SYNE1: variants seen among roughly 807,000 people sequenced by gnomAD.
SYNE1 encodes the protein spectrin repeat containing nuclear envelope protein 1, also known as nesprin-1.
In SYNE1, 616 loss-of-function variants were observed where a neutral mutation model predicts 1,111.0. That is an observed-to-expected ratio of 0.55 (90% CI 0.52 to 0.59). The LOEUF is 0.59. SYNE1 is among the 20% of genes least tolerant of loss of function. SYNE1 has a pLI of 0.00. For synonymous variants in SYNE1, 3,855 were observed against 3,825.8 expected (o/e 1.01, Z -0.28); for missense variants, 10,006 against 10,417.0 (o/e 0.96, Z 1.72).
intron 32 of SYNE1, among the ~76,000 whole-genome samples, 164 bp downstream of exon 32, chr6:152,440,966 C>G (rs1592746358): frequency 6.6e-6 from 1 of 152,164 alleles, no homozygotes; most frequent in South Asian, 2.1e-4. Context: ...TTTAATCCTA[C>G]TTATGTTTTC....
At chr6:152,141,905 A>G (rs185814511) in intron 138 of SYNE1, among the ~76,000 whole-genome samples, 3 of 152,210 alleles carry the variant, frequency 2.0e-5, no homozygotes, top group Admixed American at 6.5e-5. Context: ...CCCTGTCTCT[A>G]TAAAATATTT....
intron 130 of SYNE1, among the ~76,000 whole-genome samples, chr6:152,172,926 A>G (rs1359820711): frequency 6.6e-6 from 1 of 152,250 alleles, no homozygotes; most frequent in Non-Finnish European, 1.5e-5. Context: ...GCAACTGACC[A>G]TAATTAAAAT....
At chr6:152,480,012 GT>G (rs2098875928) in intron 14 of SYNE1, among the ~76,000 whole-genome samples, 2 of 152,126 alleles carry the variant, frequency 1.3e-5, no homozygotes, top group Admixed American at 6.5e-5. Flanking sequence ...GCTTGTTCAA[GT>G]TTTCTTGACA....
chr6:152,217,720 A>T (rs1450951072), intron 121 of SYNE1, among the ~76,000 whole-genome samples: 1 of 152,046 alleles, frequency 6.6e-6, no homozygotes, highest in Non-Finnish European at 1.5e-5. Context: ...GTACAGGAAC[A>T]TGGAGAGGGA....
intron 3 of SYNE1, among the ~76,000 whole-genome samples, chr6:152,592,926 CA>C (rs1231486424): frequency 9.5e-4 from 145 of 152,276 alleles, no homozygotes; most frequent in African/African-American, 3.5e-3. Flanking sequence ...CCCTGCAATG[CA>C]ACAGCAGCCT....
chr6:152,299,083 T>C (rs567068322), intron 93 of SYNE1, among the ~76,000 whole-genome samples: 20 of 152,230 alleles, frequency 1.3e-4, no homozygotes, highest in Non-Finnish European at 2.6e-4. Context: ...AATAGAAATA[T>C]TTGCATGTTT....
intron 128 of SYNE1, among the ~76,000 whole-genome samples, chr6:152,187,025 A>C (rs1020359196): frequency 1.5e-4 from 23 of 152,204 alleles, no homozygotes; most frequent in African/African-American, 5.5e-4. Context: ...GAAATGAATC[A>C]AGTGTTGTGA....
intron 3 of SYNE1, among the ~76,000 whole-genome samples, chr6:152,554,938 A>G (rs2099359853): frequency 6.6e-6 from 1 of 152,168 alleles, no homozygotes; most frequent in Non-Finnish European, 1.5e-5. Flanking sequence ...TTAAGTTCTA[A>G]TTTTTACACA....
At chr6:152,424,792 GAATT>G (rs924036531) in intron 39 of SYNE1, among the ~76,000 whole-genome samples, 5 of 152,160 alleles carry the variant, frequency 3.3e-5, no homozygotes, top group Middle Eastern at 3.2e-3. Context: ...TTTGCTGAAT[GAATT>G]AATTTTTTAA....
rs539876827 is a variant in SYNE1 at position 152,396,228 on chromosome 6, G to C, written c.7556+547C>G. ...TATATCTCAAGAGCTCTAAGTTTTG[G>C]AAACAATGTAAGCTCTCCAAGAAAG... On this transcript the variant is annotated intron_variant, in intron 50 of 145. Transcript: ENST00000367255. Among the ~76,000 whole-genome samples the C allele has an allele frequency of 2.0e-5, 3 of 152,282 alleles. No individual in the cohort carries two copies. The South Asian group carries it at 6.2e-4, about 32-fold the overall frequency.
intron 32 of SYNE1, among the ~76,000 whole-genome samples, chr6:152,437,546 A>G (rs1344018846): frequency 6.6e-6 from 1 of 152,108 alleles, no homozygotes; most frequent in African/African-American, 2.4e-5. Flanking sequence ...AAATATTTTA[A>G]AATAGTTGAA....
At position 152,249,237 on chromosome 6, in the gene SYNE1, G is replaced by A. The variant is rs779049973; in HGVS notation, c.19496C>T (p.Ser6499Leu). 1.9e-6 allele frequency: 3 copies of A among 1,613,420 alleles called. No homozygotes were observed. Among genetic ancestry groups the A allele is most frequent in the Non-Finnish European group, 2.5e-6 (3 of 1,179,382 alleles). Residue 6499 changes from serine (S) to leucine (L), a missense_variant, in exon 105 of 146, where the codon TCA (serine) becomes TTA (leucine). Ser to Leu is a moderately radical substitution (Grantham distance 145). Coordinates refer to ENST00000367255, the MANE Select transcript of SYNE1 (RefSeq NM_182961.4). The part of the protein sequence containing the change: ...FQNDLKVLFT[S>L]LADNKYIILQ... ...AATGATGTATTTGTTGTCAGCCAGT[G>A]ATGTAAACAGCACTTTCAGATCATT...
At chr6:152,529,866 T>C (rs2099187426) in intron 4 of SYNE1, among the ~76,000 whole-genome samples, 1 of 151,834 alleles carries the variant, frequency 6.6e-6, no homozygotes, top group African/African-American at 2.4e-5. Context: ...ACAAGCAATA[T>C]CCATGTGACT....
Position 152,336,981 on chromosome 6 carries a change from G to C in SYNE1, c.12388C>G (p.Gln4130Glu), listed in dbSNP as rs779969031. ...QKLVQAQNLT[Q>E]GWEEIKHLKS... ...AGGTGCTTGATCTCTTCCCAGCCCTGAGTTAAGTTCTGGGCCTGGACAAGC... is the reference window on the plus strand; with the variant it reads ...AGGTGCTTGATCTCTTCCCAGCCCTCAGTTAAGTTCTGGGCCTGGACAAGC... The change falls in exon 76 of 146, where the codon CAG becomes GAG. Residue 4130 changes from glutamine (Q) to glutamate (E), a missense_variant. By Grantham distance (29) the Gln-to-Glu change is conservative (BLOSUM62 2). This residue lies in a region of SYNE1 where 4,955 missense variants were observed against 5,017.2 expected (regional missense o/e 0.99). Transcript: ENST00000367255. 3.4e-5 allele frequency: 55 copies of C among 1,613,882 alleles called. 1 individual carries two copies. In the Admixed American group the frequency reaches 8.8e-4, roughly 26 times the overall value.
chr6:152,404,104 G>GATATAT lies in SYNE1; in HGVS notation c.6825+103_6825+108dup, dbSNP rs143864698. ...ATATATACGAGATATAGATATATGA[G>GATATAT]ATATATATATATACACACACACACA... On this transcript the variant is annotated intron_variant, in intron 46 of 145. Coordinates refer to ENST00000367255, the MANE Select transcript of SYNE1 (RefSeq NM_182961.4). 63,910 of 512,382 alleles carry GATATAT rather than the reference G, an allele frequency of 0.12. 3,379 individuals carry two copies. The highest frequency in any genetic ancestry group is 0.29 in the East Asian group (5,431 of 18,728). 31.7% of individuals were successfully genotyped at this position (512,382 alleles called of 1,614,324 possible).
At position 152,409,240 on chromosome 6, in the gene SYNE1, A is replaced by G; in HGVS notation, c.6382-14T>C. 1 of 1,612,104 alleles carries G rather than the reference A, an allele frequency of 6.2e-7. No individual in the cohort carries two copies. The highest frequency in any genetic ancestry group is 8.5e-7 in the Non-Finnish European group (1 of 1,178,402). On this transcript the variant is annotated splice_polypyrimidine_tract_variant and intron_variant, in intron 43 of 145. Transcript: ENST00000367255. ...GGCAGTTTCATGCTGTGGATAAATG[A>G]TTTCTTAATTAATAAAATAGTCAGT...
At chr6:152,302,095 G>GAGC in intron 91 of SYNE1, 32 bp from the exon 92 acceptor site, 1 of 1,613,792 alleles carries the variant, frequency 6.2e-7, no homozygotes, top group Non-Finnish European at 8.5e-7. Context: ...CGGGGTGTCA[G>GAGC]AGCAGCATCA....
chr6:152,553,575 C>T (rs1446402746), intron 3 of SYNE1, among the ~76,000 whole-genome samples: 1 of 152,260 alleles, frequency 6.6e-6, no homozygotes, highest in Middle Eastern at 3.4e-3. Flanking sequence ...ACATCTTGAC[C>T]GCCTATCTCC....
At position 152,501,415 on chromosome 6, in the gene SYNE1, C is replaced by T. The variant is rs367824734; in HGVS notation, c.888+1218G>A. On this transcript the variant is annotated intron_variant, in intron 10 of 145. Coordinates refer to ENST00000367255, the MANE Select transcript of SYNE1 (RefSeq NM_182961.4). ...TTAAAAGCATTAAAATTTTGTATGC[C>T]CTTTAGCCTAGGAATTCCACTTCTA... Among the ~76,000 whole-genome samples the T allele has an allele frequency of 1.6e-4, 24 of 152,132 alleles. No individual in the cohort carries two copies. In the South Asian group the frequency reaches 4.2e-3, roughly 26 times the overall value.
Sources: allele counts gnomAD v4.1 joint callset (sites outside exome capture counted in the v4.1 genomes callset), GRCh38; gene constraint gnomAD v4.1.1; regional missense constraint gnomAD v4.1.1; transcripts MANE v1.5; gene names NCBI Gene and HGNC (gene_info 2026-07-23, HGNC 2026-07-21).